Variants in PDE7B observed in about 807,000 individuals in gnomAD.
PDE7B encodes phosphodiesterase 7B, also known as 3',5'-cyclic-AMP phosphodiesterase 7B.
A neutral mutation model predicts 56.2 loss-of-function variants in PDE7B; 29 were observed. The observed-to-expected ratio is 0.52, with a 90% confidence interval of 0.38 to 0.70. The LOEUF is 0.70. Among genes scored for constraint, PDE7B ranks in the 30% least tolerant of loss-of-function variants. The probability of loss-of-function intolerance (pLI) is 0.00; values close to 1 mark genes in which losing one functional copy is unlikely to be tolerated. For synonymous variants in PDE7B, 197 were observed against 196.9 expected (o/e 1.00, Z 0.00); for missense variants, 490 against 565.0 (o/e 0.87, Z 1.35).
intron 2 of PDE7B, among the ~76,000 whole-genome samples, chr6:136,062,075 A>G (rs1052794215): frequency 2.0e-5 from 3 of 152,208 alleles, no homozygotes; most frequent in Admixed American, 6.5e-5. Context: ...TCGCCAATGC[A>G]TGGAGGCCTA....
At chr6:135,909,046 CTTATG>C (rs1382950351) in intron 1 of PDE7B, among the ~76,000 whole-genome samples, 2 of 152,016 alleles carry the variant, frequency 1.3e-5, no homozygotes, top group Non-Finnish European at 2.9e-5. Flanking sequence ...AACTTTGGAT[CTTATG>C]TTAGTTATGA....
Position 136,095,039 on chromosome 6 carries a change from A to G in PDE7B, c.83-13692A>G, listed in dbSNP as rs552417549. 1.2e-4 allele frequency among the ~76,000 whole-genome samples: 19 copies of G among 152,322 alleles called. No homozygotes were observed. In the South Asian group the frequency reaches 3.5e-3, roughly 28 times the overall value. ...AGCAGAAACTTGGAAAACACGTTTC[A>G]TAGATGAATGTATTTGAGAAATGCT... On this transcript the variant is annotated intron_variant, in intron 2 of 12. Transcript: ENST00000308191.
intron 2 of PDE7B, among the ~76,000 whole-genome samples, chr6:136,023,109 A>G (rs1776099988): frequency 6.6e-6 from 1 of 152,202 alleles, no homozygotes; most frequent in South Asian, 2.1e-4. Context: ...AGTCTCCATC[A>G]GGCACTGTGA....
chr6:135,936,283 T>G (rs1376086648), intron 1 of PDE7B, among the ~76,000 whole-genome samples: 2 of 152,228 alleles, frequency 1.3e-5, no homozygotes, highest in Admixed American at 6.5e-5. Flanking sequence ...TGAATCATGA[T>G]GTCTGGAGAT....
intron 2 of PDE7B, among the ~76,000 whole-genome samples, chr6:135,993,548 T>G (rs1316114944): frequency 6.6e-6 from 1 of 152,350 alleles, no homozygotes; most frequent in Middle Eastern, 3.4e-3. Flanking sequence ...AGAAGCAGCC[T>G]TCTTCTCCCT....
chr6:136,009,145 A>T (rs1399388607), intron 2 of PDE7B, among the ~76,000 whole-genome samples: 1 of 152,018 alleles, frequency 6.6e-6, no homozygotes, highest in Non-Finnish European at 1.5e-5. Flanking sequence ...AGATGGTTGT[A>T]GATATGTGGC....
chr6:135,855,826 T>C (rs2128183449), intron 1 of PDE7B, among the ~76,000 whole-genome samples: 1 of 152,260 alleles, frequency 6.6e-6, no homozygotes, highest in South Asian at 2.1e-4. Flanking sequence ...TCTTGAACAC[T>C]GGCGCAAGGT....
rs1362417862 is a variant in PDE7B, at chr6:136,193,810, G to C, written c.*1970G>C. 2.0e-5 allele frequency: 3 copies of C among 152,170 alleles called. No homozygotes were observed. Among genetic ancestry groups the C allele is most frequent in the African/African-American group, 7.2e-5 (3 of 41,424 alleles). The allele number at this position is 152,170 out of a possible 1,614,324, so 9.4% of individuals were successfully genotyped here. A position where few individuals can be genotyped will look rare whatever the true frequency, so the allele number is the denominator to read the frequency against. ...GGGAGACTGAGGCTTGCAGAATTAAGGTTCAGGGGAAATTTTGGAAAGTTG... is the reference window on the plus strand; with the variant it reads ...GGGAGACTGAGGCTTGCAGAATTAACGTTCAGGGGAAATTTTGGAAAGTTG... On this transcript the variant is annotated 3_prime_UTR_variant, in exon 13 of 13. Transcript: ENST00000308191.
chr6:136,081,004 C>G (rs1562488246), intron 2 of PDE7B, among the ~76,000 whole-genome samples: 2 of 152,104 alleles, frequency 1.3e-5, no homozygotes, highest in East Asian at 3.9e-4. Flanking sequence ...ATAGAAATAT[C>G]CCAGCATAAT....
At chr6:136,073,040 C>T (rs920058965) in intron 2 of PDE7B, among the ~76,000 whole-genome samples, 1 of 152,098 alleles carries the variant, frequency 6.6e-6, no homozygotes, top group African/African-American at 2.4e-5. Context: ...GGCTGGGCCG[C>T]TTGGAGACCA....
intron 2 of PDE7B, among the ~76,000 whole-genome samples, chr6:136,036,284 C>T (rs536039025): frequency 8.4e-4 from 128 of 152,150 alleles, no homozygotes; most frequent in African/African-American, 3.0e-3. Flanking sequence ...TCAAGTAGAC[C>T]GCTGATTATT....
At chr6:135,874,853 T>C (rs895979654) in intron 1 of PDE7B, among the ~76,000 whole-genome samples, 2 of 152,156 alleles carry the variant, frequency 1.3e-5, no homozygotes, top group Non-Finnish European at 2.9e-5. Context: ...TTTCCTGCTA[T>C]GTTTATAGAT....
At chr6:136,147,047 C>T (rs942619945) in intron 3 of PDE7B, among the ~76,000 whole-genome samples, 4 of 151,772 alleles carry the variant, frequency 2.6e-5, no homozygotes, top group East Asian at 3.9e-4. Flanking sequence ...GAGGGTGAGG[C>T]GGGAGGATCG....
intron 1 of PDE7B, among the ~76,000 whole-genome samples, chr6:135,860,408 T>C (rs1279702842): frequency 1.3e-5 from 2 of 152,048 alleles, no homozygotes; most frequent in African/African-American, 2.4e-5. Context: ...AGTTCAAATA[T>C]ACAGAAAAAC....
intron 2 of PDE7B, among the ~76,000 whole-genome samples, chr6:136,058,986 C>G (rs898672797): frequency 6.6e-6 from 1 of 152,132 alleles, no homozygotes; most frequent in Non-Finnish European, 1.5e-5. Context: ...CTTAAATACA[C>G]ATAATCCATG....
intron 1 of PDE7B, among the ~76,000 whole-genome samples, chr6:135,908,894 C>A (rs572136862): frequency 6.6e-6 from 1 of 152,094 alleles, no homozygotes. Context: ...ATAGTATGAA[C>A]GAAATCACAG....
rs1778588126 is a variant in PDE7B at position 136,155,504 on chromosome 6, A to G, written c.580-123A>G. The G allele has an allele frequency of 9.0e-6, 7 of 775,626 alleles. No homozygotes were observed. In the East Asian group the frequency reaches 1.7e-4, roughly 19 times the overall value. 48.0% of individuals were successfully genotyped at this position (775,626 alleles called of 1,614,324 possible). On this transcript the variant is annotated intron_variant, in intron 7 of 12. Transcript: ENST00000308191. ...CACCTCATTTAATGCTTCAAAGGGT[A>G]AAGGTCTGGCTGATAGGCTTAAACA...
At chr6:136,052,181 G>A (rs1445187231) in intron 2 of PDE7B, among the ~76,000 whole-genome samples, 1 of 152,130 alleles carries the variant, frequency 6.6e-6, no homozygotes, top group African/African-American at 2.4e-5. Flanking sequence ...GTCAGGATGA[G>A]AGATAAAGCC....
At chr6:136,029,250 A>G (rs903159175) in intron 2 of PDE7B, among the ~76,000 whole-genome samples, 2 of 152,234 alleles carry the variant, frequency 1.3e-5, no homozygotes, top group East Asian at 3.8e-4. Context: ...GAAAAACACA[A>G]TTTAATAGTA....
Sources: allele counts gnomAD v4.1 joint callset (sites outside exome capture counted in the v4.1 genomes callset), GRCh38; gene constraint gnomAD v4.1.1; transcripts MANE v1.5; gene names NCBI Gene and HGNC (gene_info 2026-07-23, HGNC 2026-07-21).